Variants in SLC10A7 observed in about 807,000 individuals in gnomAD.
SLC10A7 encodes the protein solute carrier family 10 member 7.
In SLC10A7, 29 loss-of-function variants were observed where a neutral mutation model predicts 43.2. The ratio of observed to expected loss-of-function variants is 0.67; its 90% CI spans 0.50 to 0.92. The LOEUF (loss-of-function observed/expected upper bound fraction) is 0.92. Ranked by LOEUF, SLC10A7 falls within the 40% of genes least tolerant of loss-of-function variation. The pLI is 0.00. For missense variants in SLC10A7, 295 were observed against 403.2 expected, an observed-to-expected ratio of 0.73 and a Z score of 2.30; for synonymous variants, 152 against 144.8, an observed-to-expected ratio of 1.05 and a Z score of -0.35.
intron 7 of SLC10A7, among the ~76,000 whole-genome samples, chr4:146,303,536 C>T (rs1166639671): frequency 3.3e-5 from 5 of 151,876 alleles, no homozygotes; most frequent in South Asian, 2.1e-4. Context: ...CACCACCACA[C>T]CCAGCCAATT....
chr4:146,453,472 T>C (rs1437296380), intron 4 of SLC10A7, among the ~76,000 whole-genome samples: 1 of 151,968 alleles, frequency 6.6e-6, no homozygotes, highest in African/African-American at 2.4e-5. Context: ...TTAAGGGGCC[T>C]ATTAATCTCA....
intron 5 of SLC10A7, among the ~76,000 whole-genome samples, chr4:146,375,228 A>T (rs1202233518): frequency 6.6e-6 from 1 of 152,096 alleles, no homozygotes; most frequent in Non-Finnish European, 1.5e-5. Flanking sequence ...CAAAAACAAA[A>T]AGCAAAACAA....
chr4:146,453,225 G>A (rs557345446), intron 4 of SLC10A7, among the ~76,000 whole-genome samples: 1 of 151,910 alleles, frequency 6.6e-6, no homozygotes, highest in Non-Finnish European at 1.5e-5. Context: ...TCTCAATTCA[G>A]GTAAGGAAAA....
chr4:146,331,633 T>C (rs1320766703), intron 5 of SLC10A7, among the ~76,000 whole-genome samples: 1 of 152,206 alleles, frequency 6.6e-6, no homozygotes, highest in Non-Finnish European at 1.5e-5. Flanking sequence ...TCTGTATGTA[T>C]AAGAAAATCA....
intron 10 of SLC10A7, among the ~76,000 whole-genome samples, chr4:146,278,400 T>C (rs1729342265): frequency 6.6e-6 from 1 of 152,138 alleles, no homozygotes; most frequent in African/African-American, 2.4e-5. Flanking sequence ...CAAATCAATT[T>C]CCTCTTGACA....
intron 11 of SLC10A7, chr4:146,256,810 A>C: frequency 6.7e-7 from 1 of 1,500,152 alleles, no homozygotes. Context: ...AAAGCAGAGG[A>C]GGCACTCATG....
chr4:146,286,762 GAGA>G (rs1201924945), intron 9 of SLC10A7, among the ~76,000 whole-genome samples: 1 of 152,100 alleles, frequency 6.6e-6, no homozygotes, highest in Non-Finnish European at 1.5e-5. Context: ...TTGGAGTGGT[GAGA>G]AGGACTGTGT....
chr4:146,294,796 T>C (rs1029427775), intron 7 of SLC10A7, among the ~76,000 whole-genome samples: 1 of 152,340 alleles, frequency 6.6e-6, no homozygotes, highest in South Asian at 2.1e-4. Flanking sequence ...TATAAAGTTA[T>C]AGAGCAATTC....
chr4:146,417,155 T>C (rs775723067), intron 5 of SLC10A7, among the ~76,000 whole-genome samples: 6 of 152,222 alleles, frequency 3.9e-5, no homozygotes, highest in Admixed American at 6.5e-5. Context: ...AGCCTCACTA[T>C]AGAGTAGGGG....
chr4:146,390,859 G>A (rs1163651654), intron 5 of SLC10A7, among the ~76,000 whole-genome samples: 3 of 150,836 alleles, frequency 2.0e-5, no homozygotes, highest in Non-Finnish European at 4.4e-5. Flanking sequence ...CAGACATACA[G>A]AAAAGTTAAA....
At chr4:146,272,186 A>G (rs1578753225) in intron 10 of SLC10A7, among the ~76,000 whole-genome samples, 4 of 152,322 alleles carry the variant, frequency 2.6e-5, no homozygotes, top group Admixed American at 2.6e-4. Context: ...TTTTAAAAGC[A>G]TCTTTTCATT....
At chr4:146,432,905 GTA>G (rs879464678) in intron 5 of SLC10A7, among the ~76,000 whole-genome samples, 22 of 151,838 alleles carry the variant, frequency 1.4e-4, no homozygotes, top group Admixed American at 7.9e-4. Context: ...GGGCGTGGTG[GTA>G]CGCGCCTGTA....
chr4:146,281,192 A>G (rs1189351610), intron 10 of SLC10A7, among the ~76,000 whole-genome samples: 1 of 152,138 alleles, frequency 6.6e-6, no homozygotes, highest in Non-Finnish European at 1.5e-5. Flanking sequence ...TAAGAAAAAT[A>G]AAAAGACAAA....
At chr4:146,300,548 C>A (rs759841942) in intron 7 of SLC10A7, among the ~76,000 whole-genome samples, 27 of 152,056 alleles carry the variant, frequency 1.8e-4, no homozygotes, top group Non-Finnish European at 3.4e-4. Context: ...GTGGAATGCT[C>A]CCCCTTCTCC....
intron 5 of SLC10A7, among the ~76,000 whole-genome samples, chr4:146,352,014 G>C (rs1199338066): frequency 8.9e-6 from 1 of 112,046 alleles, no homozygotes; most frequent in Non-Finnish European, 1.8e-5. Flanking sequence ...CATAATGACA[G>C]GATCAAATTC....
rs1042830778 is a variant in SLC10A7, at chr4:146,292,937, A to G, written c.765T>C (p.Phe255=). The stretch of plus-strand genomic sequence containing the variant: ...GATACCAAATCACTTACCTTGTTGA[A>G]AAGATGAAAGTTAAAAGCATAAAAC... ...QLSFMLLTFI[F]STRNNSGFTP... is the part of the protein sequence containing the mutation. Residue 255 remains phenylalanine, a synonymous_variant, in exon 9 of 12, where the codon TTT becomes TTC. Coordinates refer to ENST00000335472, the MANE Select transcript of SLC10A7 (RefSeq NM_001029998.6). 10 of 1,589,986 alleles carry G rather than the reference A, an allele frequency of 6.3e-6. No individual in the cohort carries two copies. The Admixed American group carries it at 1.4e-4, about 22-fold the overall frequency.
At chr4:146,497,019 G>A (rs991360097) in intron 4 of SLC10A7, among the ~76,000 whole-genome samples, 1 of 152,146 alleles carries the variant, frequency 6.6e-6, no homozygotes, top group Non-Finnish European at 1.5e-5. Flanking sequence ...CTGTGTATAT[G>A]TGTTTTACAC....
At chr4:146,448,576 G>T (rs1421332224) in intron 4 of SLC10A7, among the ~76,000 whole-genome samples, 1 of 151,936 alleles carries the variant, frequency 6.6e-6, no homozygotes, top group African/African-American at 2.4e-5. Flanking sequence ...ATAAAAAAAA[G>T]GTAAAATCCA....
At chr4:146,305,524 T>C (rs552476135) in intron 7 of SLC10A7, among the ~76,000 whole-genome samples, 85 of 150,830 alleles carry the variant, frequency 5.6e-4, no homozygotes, top group Admixed American at 5.1e-3. Flanking sequence ...TGTATACATA[T>C]GTAACGAACC....
Sources: allele counts gnomAD v4.1 joint callset (sites outside exome capture counted in the v4.1 genomes callset), GRCh38; gene constraint gnomAD v4.1.1; transcripts MANE v1.5; gene names NCBI Gene and HGNC (gene_info 2026-07-23, HGNC 2026-07-21).